The following OMA1 variants were observed in gnomAD, a reference collection of about 807,000 sequenced individuals.
OMA1 encodes metalloendopeptidase OMA1, mitochondrial.
A neutral mutation model predicts 30.9 loss-of-function variants in OMA1; 38 were observed. That is an observed-to-expected ratio of 1.23 (90% CI 0.95 to 1.61). The LOEUF (loss-of-function observed/expected upper bound fraction) is 1.61. Among genes scored for constraint, OMA1 ranks in the 40% most tolerant of loss-of-function variants. The probability of loss-of-function intolerance (pLI) is 0.00; values close to 1 mark genes in which losing one functional copy is unlikely to be tolerated. For missense variants in OMA1, 461 were observed against 349.2 expected, an observed-to-expected ratio of 1.32 and a Z score of -2.55; for synonymous variants, 173 against 121.9, an observed-to-expected ratio of 1.42 and a Z score of -2.76.
chr1:58,545,377 TGTC>T (rs1409664733), intron 1 of OMA1, among the ~76,000 whole-genome samples: 12 of 152,202 alleles, frequency 7.9e-5, no homozygotes, highest in African/African-American at 2.9e-4. Flanking sequence ...GACAACCAAG[TGTC>T]GTTTTGAATA....
intron 5 of OMA1, among the ~76,000 whole-genome samples, chr1:58,532,279 T>C (rs946416762): frequency 6.6e-6 from 1 of 152,220 alleles, no homozygotes; most frequent in Non-Finnish European, 1.5e-5. Flanking sequence ...TTTTTAAGGC[T>C]GCTGTTTGCT....
At chr1:58,527,415 AAC>A (rs1254892670) in intron 6 of OMA1, 80 bp from the exon 7 acceptor site, 4 of 759,056 alleles carry the variant, frequency 5.3e-6, no homozygotes, top group East Asian at 2.5e-5. Context: ...ATTTTTAAAA[AAC>A]AGTTTCATGG....
intron 8 of OMA1, among the ~76,000 whole-genome samples, chr1:58,486,204 C>G (rs1419262756): frequency 6.6e-6 from 1 of 152,184 alleles, no homozygotes; most frequent in African/African-American, 2.4e-5. Flanking sequence ...AAGAAGACAG[C>G]AGGACCTTAC....
At chr1:58,510,794 A>T (rs969043598) in intron 7 of OMA1, among the ~76,000 whole-genome samples, 10 of 152,188 alleles carry the variant, frequency 6.6e-5, no homozygotes, top group African/African-American at 2.4e-4. Flanking sequence ...TACAAAAATC[A>T]GCATACAAAA....
chr1:58,536,409 C>T (rs1646517888), intron 3 of OMA1, 104 bp downstream of exon 3: 1 of 646,024 alleles, frequency 1.5e-6, no homozygotes, highest in African/African-American at 1.8e-5. Flanking sequence ...AATTTCATAT[C>T]AAAGACTAAA....
intron 6 of OMA1, among the ~76,000 whole-genome samples, chr1:58,529,754 A>T (rs1470371885): frequency 3.9e-5 from 6 of 152,332 alleles, no homozygotes; most frequent in African/African-American, 1.4e-4. Flanking sequence ...AAAAACTACA[A>T]CTTAAAAATA....
chr1:58,519,237 G>T (rs1646222404), intron 7 of OMA1, among the ~76,000 whole-genome samples: 1 of 152,130 alleles, frequency 6.6e-6, no homozygotes, highest in Admixed American at 6.5e-5. Context: ...CAGTTTACTT[G>T]TTTTTTATTT....
intron 5 of OMA1, among the ~76,000 whole-genome samples, chr1:58,532,570 C>G (rs2100478406): frequency 6.6e-6 from 1 of 152,264 alleles, no homozygotes; most frequent in Non-Finnish European, 1.5e-5. Flanking sequence ...CTCTGTCACC[C>G]AGGCTAGAGT....
intron 8 of OMA1, among the ~76,000 whole-genome samples, chr1:58,494,884 A>G (rs1645768581): frequency 6.6e-6 from 1 of 152,342 alleles, no homozygotes; most frequent in South Asian, 2.1e-4. Flanking sequence ...ATCTAGAACT[A>G]GAAATACCAT....
intron 1 of OMA1, among the ~76,000 whole-genome samples, chr1:58,544,593 G>A (rs1646671823): frequency 6.6e-6 from 1 of 152,042 alleles, no homozygotes; most frequent in Non-Finnish European, 1.5e-5. Context: ...AATTCCCATT[G>A]TTTTTCTTTT....
At chr1:58,522,064 T>C (rs1260698341) in intron 7 of OMA1, among the ~76,000 whole-genome samples, 1 of 152,192 alleles carries the variant, frequency 6.6e-6, no homozygotes, top group Non-Finnish European at 1.5e-5. Context: ...CAAAATTAGG[T>C]ATATTTCCCC....
chr1:58,485,485 G>T (rs912537301), intron 8 of OMA1, among the ~76,000 whole-genome samples: 2 of 151,868 alleles, frequency 1.3e-5, no homozygotes, highest in Non-Finnish European at 2.9e-5. Flanking sequence ...TGTGTGAACT[G>T]TTTCTCCTCC....
At chr1:58,488,281 A>G (rs1175431674) in intron 8 of OMA1, among the ~76,000 whole-genome samples, 3 of 152,124 alleles carry the variant, frequency 2.0e-5, no homozygotes, top group African/African-American at 7.2e-5. Flanking sequence ...TATTAATTTT[A>G]CTATACTATG....
intron 5 of OMA1, 121 bp from the exon 6 acceptor site, chr1:58,530,850 C>T (rs1230163431): frequency 6.6e-6 from 4 of 608,808 alleles, no homozygotes; most frequent in African/African-American, 3.7e-5. Context: ...TGAGAGTTCT[C>T]TTTTTCTTCT....
chr1:58,508,211 T>A (rs1019697520), intron 7 of OMA1, among the ~76,000 whole-genome samples: 2 of 152,190 alleles, frequency 1.3e-5, no homozygotes, highest in Admixed American at 6.6e-5. Flanking sequence ...GATAAGAGTG[T>A]TGAGTTTGTC....
At chr1:58,496,892 A>G (rs1005710240) in intron 8 of OMA1, among the ~76,000 whole-genome samples, 3 of 152,176 alleles carry the variant, frequency 2.0e-5, no homozygotes, top group African/African-American at 7.2e-5. Flanking sequence ...GATTATTTGC[A>G]GGGTGGTGCT....
rs1167606584 is a variant in OMA1, at chr1:58,529,006, C to T, written c.1140+1595G>A. Among the ~76,000 whole-genome samples the T allele has an allele frequency of 2.0e-5, 3 of 152,214 alleles. No homozygotes were observed. In the East Asian group the frequency reaches 5.8e-4, roughly 29 times the overall value. On this transcript the variant is annotated intron_variant, in intron 6 of 8. Coordinates refer to ENST00000371226, the MANE Select transcript of OMA1 (RefSeq NM_145243.5). ...GTGCTGATTCCATTATAAAAAAAAG[C>T]AATCTATAGATAGATCAGGAAAATA...
intron 7 of OMA1, among the ~76,000 whole-genome samples, chr1:58,518,646 G>C (rs563437577): frequency 6.8e-6 from 1 of 147,010 alleles, no homozygotes; most frequent in Non-Finnish European, 1.5e-5. Context: ...AAACCCTGGA[G>C]GACTCCAGGG....
At chr1:58,519,316 T>C (rs1434999209) in intron 7 of OMA1, among the ~76,000 whole-genome samples, 1 of 152,204 alleles carries the variant, frequency 6.6e-6, no homozygotes, top group Non-Finnish European at 1.5e-5. Context: ...ATGAAATGTA[T>C]AGTAATCACA....
Sources: allele counts gnomAD v4.1 joint callset (sites outside exome capture counted in the v4.1 genomes callset), GRCh38; gene constraint gnomAD v4.1.1; transcripts MANE v1.5; gene names NCBI Gene and HGNC (gene_info 2026-07-23, HGNC 2026-07-21).